Variants in DTD1 observed in about 807,000 individuals in gnomAD.
DTD1 encodes D-tyrosyl-tRNA deacylase 1 homolog.
Under a neutral mutation model 25.6 loss-of-function variants are expected in DTD1, and 13 were observed. The observed-to-expected ratio is 0.51, with a 90% CI of 0.33 to 0.81. The LOEUF is 0.81. Among genes scored for constraint, DTD1 ranks in the 30% least tolerant of loss-of-function variants. The probability of loss-of-function intolerance (pLI) is 0.02; values close to 1 mark genes in which losing one functional copy is unlikely to be tolerated. For synonymous variants in DTD1, 110 were observed against 103.6 expected (o/e 1.06, Z -0.37); for missense variants, 193 against 266.4 (o/e 0.72, Z 1.92).
intron 4 of DTD1, among the ~76,000 whole-genome samples, chr20:18,732,470 A>G (rs1344983374): frequency 6.6e-6 from 1 of 152,220 alleles, no homozygotes; most frequent in Non-Finnish European, 1.5e-5. Flanking sequence ...CAAAATGGTA[A>G]GGGTACACAC....
intron 5 of DTD1, among the ~76,000 whole-genome samples, chr20:18,756,001 T>C (rs1002388363): frequency 1.3e-5 from 2 of 152,150 alleles, no homozygotes; most frequent in African/African-American, 4.8e-5. Context: ...TGGTTTTGAT[T>C]TGCATTTCTC....
chr20:18,706,268 G>C (rs556762153), intron 4 of DTD1, among the ~76,000 whole-genome samples: 1 of 152,298 alleles, frequency 6.6e-6, no homozygotes, highest in African/African-American at 2.4e-5. Flanking sequence ...CACACCCTGT[G>C]TTCATGGTAC....
At chr20:18,645,159 C>T (rs971978499) in intron 4 of DTD1, among the ~76,000 whole-genome samples, 4 of 151,926 alleles carry the variant, frequency 2.6e-5, no homozygotes, top group Non-Finnish European at 5.9e-5. Context: ...GTAAATCAAC[C>T]GATCAATGAA....
At chr20:18,683,079 A>T (rs1568667771) in intron 4 of DTD1, among the ~76,000 whole-genome samples, 1 of 152,160 alleles carries the variant, frequency 6.6e-6, no homozygotes, top group Non-Finnish European at 1.5e-5. Flanking sequence ...TTGTGGTGTA[A>T]TGGACTTCCA....
At chr20:18,631,981 A>C (rs1474152823) in intron 4 of DTD1, 3 of 882,776 alleles carry the variant, frequency 3.4e-6, no homozygotes, top group Non-Finnish European at 4.1e-6. Context: ...AATGTACACC[A>C]TAAGGAGTGC....
In DTD1 at chr20:18,628,207, G is replaced by A. The variant is rs772516651; in HGVS notation, c.451G>A (p.Gly151Ser). 5.6e-6 allele frequency: 9 copies of A among 1,613,596 alleles called. No individual in the cohort carries two copies. The highest frequency in any genetic ancestry group is 4.4e-5 in the South Asian group (4 of 91,018). ...VTIELESPAP[G>S]TATSDPKQLS... ...CATAGAGCTGGAATCGCCAGCTCCC[G>A]GCACTGCTACCTCTGACCCAAAGCA... is the stretch of plus-strand genomic sequence containing the variant. Residue 151 changes from glycine to serine, a missense_variant, in exon 4 of 6, where the codon GGC (glycine) becomes AGC (serine). Gly to Ser is a moderately conservative substitution (Grantham distance 56, BLOSUM62 0). Transcript: ENST00000377452.
intron 4 of DTD1, among the ~76,000 whole-genome samples, chr20:18,693,895 C>G (rs2061059553): frequency 6.6e-6 from 1 of 152,112 alleles, no homozygotes; most frequent in Non-Finnish European, 1.5e-5. Context: ...CATGCTAGCA[C>G]CAGCCACGTG....
At chr20:18,685,151 A>G (rs2061011687) in intron 4 of DTD1, among the ~76,000 whole-genome samples, 1 of 152,104 alleles carries the variant, frequency 6.6e-6, no homozygotes, top group Admixed American at 6.5e-5. Context: ...CATCCTCCCA[A>G]TTACTGAGTT....
chr20:18,589,091 C>T (rs765056610), intron 1 of DTD1, among the ~76,000 whole-genome samples: 1 of 152,192 alleles, frequency 6.6e-6, no homozygotes, highest in East Asian at 1.9e-4. Flanking sequence ...TGGCTCACAC[C>T]TGTAATCCCA....
At chr20:18,720,641 G>C (rs2061198736) in intron 4 of DTD1, among the ~76,000 whole-genome samples, 1 of 152,114 alleles carries the variant, frequency 6.6e-6, no homozygotes, top group Non-Finnish European at 1.5e-5. Flanking sequence ...GATTGCTTGA[G>C]TCCGGGAGTT....
At chr20:18,655,367 G>A (rs2060887776) in intron 4 of DTD1, among the ~76,000 whole-genome samples, 1 of 152,188 alleles carries the variant, frequency 6.6e-6, no homozygotes, top group Admixed American at 6.5e-5. Context: ...ATCTGTATGA[G>A]TTAGTTTTCT....
chr20:18,644,858 G>A (rs188080680), intron 4 of DTD1, among the ~76,000 whole-genome samples: 24 of 152,228 alleles, frequency 1.6e-4, no homozygotes, highest in African/African-American at 5.1e-4. Flanking sequence ...CAACCGTGGC[G>A]TATGGGGCCA....
At chr20:18,693,139 C>T (rs1022685674) in intron 4 of DTD1, among the ~76,000 whole-genome samples, 9 of 152,002 alleles carry the variant, frequency 5.9e-5, no homozygotes, top group African/African-American at 1.4e-4. Flanking sequence ...GTGATCCACC[C>T]GCCTCGGCTT....
chr20:18,692,650 G>A (rs2061051918), intron 4 of DTD1, among the ~76,000 whole-genome samples: 1 of 152,172 alleles, frequency 6.6e-6, no homozygotes, highest in Non-Finnish European at 1.5e-5. Context: ...GTCAGGAGGA[G>A]CCCCACTGAC....
intron 4 of DTD1, among the ~76,000 whole-genome samples, chr20:18,710,073 A>G (rs1256355966): frequency 6.6e-6 from 1 of 152,176 alleles, no homozygotes; most frequent in Non-Finnish European, 1.5e-5. Context: ...TATATTGTCT[A>G]CATTTTGGAG....
chr20:18,657,137 G>A (rs377249973), intron 4 of DTD1, among the ~76,000 whole-genome samples: 2 of 152,126 alleles, frequency 1.3e-5, no homozygotes, highest in African/African-American at 2.4e-5. Flanking sequence ...AGGAAAAGCC[G>A]TTCTCAGGTT....
chr20:18,676,739 G>A (rs1319780475), intron 4 of DTD1, among the ~76,000 whole-genome samples: 39 of 152,168 alleles, frequency 2.6e-4, no homozygotes, highest in Admixed American at 2.6e-3. Context: ...CTGCTTGTAG[G>A]ATCACATTTT....
chr20:18,758,571 G>A (rs989254425), intron 5 of DTD1, among the ~76,000 whole-genome samples: 1 of 152,184 alleles, frequency 6.6e-6, no homozygotes, highest in African/African-American at 2.4e-5. Flanking sequence ...TTTCCATGTA[G>A]TTGAGCGGTT....
At position 18,765,495 on chromosome 20, in the gene DTD1, T is replaced by C. The variant is rs1279727038; in HGVS notation, c.*2155T>C. The C allele has an allele frequency of 6.6e-6, 1 of 152,206 alleles. No homozygotes were observed. 9.4% of individuals were successfully genotyped at this position (152,206 alleles called of 1,614,324 possible). A position where few individuals can be genotyped will look rare whatever the true frequency, so the allele number is the denominator to read the frequency against. ...AAACATTTTGGATTGAAGAGAACTT[T>C]TCCATCATCCTGAAAATCACTTTCA... On this transcript the variant is annotated 3_prime_UTR_variant, in exon 6 of 6. Transcript: ENST00000377452.
Sources: gnomAD v4.1 joint callset for allele counts (sites outside exome capture counted in the v4.1 genomes callset) on GRCh38, gnomAD v4.1.1 for gene constraint, MANE v1.5 for transcripts, NCBI Gene and HGNC (gene_info 2026-07-23, HGNC 2026-07-21) for gene names.